SPTBN2: variants seen among roughly 807,000 people sequenced by gnomAD.
SPTBN2 encodes the protein spectrin beta, non-erythrocytic 2, also known as spectrin beta chain, non-erythrocytic 2.
A neutral mutation model predicts 284.2 loss-of-function variants in SPTBN2; 107 were observed. That is an observed-to-expected ratio of 0.38 (90% confidence interval 0.32 to 0.44). The LOEUF (loss-of-function observed/expected upper bound fraction) is 0.44. Among genes scored for constraint, SPTBN2 ranks in the 20% least tolerant of loss-of-function variants. The pLI is 1.00. For missense variants in SPTBN2, 2,569 were observed against 3,287.1 expected, an observed-to-expected ratio of 0.78 and a Z score of 5.34; for synonymous variants, 1,289 against 1,354.8, an observed-to-expected ratio of 0.95 and a Z score of 1.07.
chr11:66,722,640 C>G (rs1369279073), intron 1 of SPTBN2, among the ~76,000 whole-genome samples: 1 of 149,596 alleles, frequency 6.7e-6, no homozygotes, highest in Non-Finnish European at 1.5e-5. Context: ...CACCTGTAAT[C>G]CCAGCACTTT....
At chr11:66,697,130 T>C (rs1349218676) in intron 20 of SPTBN2, among the ~76,000 whole-genome samples, 2 of 152,220 alleles carry the variant, frequency 1.3e-5, no homozygotes, top group African/African-American at 4.8e-5. Flanking sequence ...GAGAGTGCTG[T>C]GTTCTGTGTT....
rs969887639 is a variant in SPTBN2, at chr11:66,690,272, C to T, written c.5577G>A (p.Val1859=). Residue 1859 remains valine (V), a synonymous_variant, in exon 28 of 38, where the codon GTG becomes GTA. Coordinates refer to ENST00000533211, the MANE Select transcript of SPTBN2 (RefSeq NM_006946.4). The part of the protein sequence containing the change: ...IQALSPQVQQ[V]QDDGHRLQKA... ...TCTGGAGCCGGTGGCCGTCGTCCTG[C>T]ACCTGCTGGACCTGCGGAGCCCCGG... is the stretch of plus-strand genomic sequence containing the variant. 5 of 1,609,144 alleles carry T rather than the reference C, an allele frequency of 3.1e-6. No individual in the cohort carries two copies. In the Admixed American group the frequency reaches 8.4e-5, roughly 27 times the overall value.
upstream of SPTBN2, among the ~76,000 whole-genome samples, chr11:66,729,668 G>A (rs1395202242): frequency 6.6e-6 from 1 of 152,124 alleles, no homozygotes; most frequent in Non-Finnish European, 1.5e-5. Flanking sequence ...AAAATGGGTT[G>A]GGAGGAGGGT....
At chr11:66,703,419 A>G (rs1941351838) in intron 15 of SPTBN2, among the ~76,000 whole-genome samples, 1 of 151,912 alleles carries the variant, frequency 6.6e-6, no homozygotes. Flanking sequence ...ATTTGATTAC[A>G]CATTGATCAT....
At chr11:66,697,452 C>T (rs141912460) in intron 20 of SPTBN2, among the ~76,000 whole-genome samples, 2 of 152,226 alleles carry the variant, frequency 1.3e-5, no homozygotes, top group East Asian at 1.9e-4. Flanking sequence ...CAGGACTTCC[C>T]GGGGCTTCTC....
chr11:66,703,972 C>CTTTTTTTTTTTTT (rs11286358), intron 15 of SPTBN2, among the ~76,000 whole-genome samples: 1 of 109,726 alleles, frequency 9.1e-6, no homozygotes, highest in Non-Finnish European at 1.9e-5. Flanking sequence ...TATTTCTTTT[C>CTTTTTTTTTTTTT]TTTTTTTTTT....
intron 26 of SPTBN2, 70 bp downstream of exon 26, chr11:66,692,466 T>A: frequency 6.4e-7 from 1 of 1,566,588 alleles, no homozygotes; most frequent in East Asian, 2.2e-5. Context: ...TGGGACTAGG[T>A]CCTAGTCTCC....
intron 3 of SPTBN2, among the ~76,000 whole-genome samples, chr11:66,719,627 C>T (rs761598667): frequency 6.6e-6 from 1 of 152,196 alleles, no homozygotes; most frequent in South Asian, 2.1e-4. Flanking sequence ...TGGTGACAGT[C>T]CTGGGTGGCA....
Position 66,708,030 on chromosome 11 carries a change from A to C in SPTBN2, c.1350+111T>G, listed in dbSNP as rs968104232. 4 of 1,554,386 alleles carry C rather than the reference A, an allele frequency of 2.6e-6. No homozygotes were observed. The African/African-American group carries it at 5.4e-5, about 21-fold the overall frequency. ...CCCGGACCTCTAGGCCTTTTTACCC[A>C]GGTGACGGATTTTGTGTTTCATTGT... On this transcript the variant is annotated intron_variant, in intron 12 of 37. Transcript: ENST00000533211. The surrounding 1 kb of genome is among the most constrained non-coding windows in gnomAD (Gnocchi z 4.4).
At position 66,687,822 on chromosome 11, in the gene SPTBN2, C is replaced by A; in HGVS notation, c.6501+46G>T. ...ACCCGCACTCACCACCCCCTCTGGA[C>A]CCTTCGCCTCACAGTTATCAACACC... On this transcript the variant is annotated intron_variant, in intron 34 of 37. Coordinates refer to ENST00000533211, the MANE Select transcript of SPTBN2 (RefSeq NM_006946.4). The surrounding 1 kb of genome is among the most constrained non-coding windows in gnomAD (Gnocchi z 5.2). 1 of 1,613,072 alleles carries A rather than the reference C, an allele frequency of 6.2e-7. No individual in the cohort carries two copies. Among genetic ancestry groups the A allele is most frequent in the Non-Finnish European group, 8.5e-7 (1 of 1,179,062 alleles).
At position 66,707,436 on chromosome 11, in the gene SPTBN2, G is replaced by T; in HGVS notation, c.1653+80C>A. On this transcript the variant is annotated intron_variant, in intron 13 of 37. Transcript: ENST00000533211. This position sits in a 1 kb window ranked among gnomAD's most constrained non-coding sequence, Gnocchi z 4.9. ...TTCACACTCCACAGAGATCGGCCGAGCAGACGGGCGGACGCACCCACTGTG... is the reference window on the plus strand; with the variant it reads ...TTCACACTCCACAGAGATCGGCCGATCAGACGGGCGGACGCACCCACTGTG... The T allele has an allele frequency of 6.9e-7, 1 of 1,450,790 alleles. No individual in the cohort carries two copies. The highest frequency in any genetic ancestry group is 9.4e-7 in the Non-Finnish European group (1 of 1,066,588). 89.9% of individuals were successfully genotyped at this position (1,450,790 alleles called of 1,614,324 possible).
At chr11:66,720,566 C>T (rs892169654) in intron 3 of SPTBN2, among the ~76,000 whole-genome samples, 3 of 152,142 alleles carry the variant, frequency 2.0e-5, no homozygotes, top group African/African-American at 7.2e-5. Context: ...CAGAAACCAG[C>T]AGCAGCGGGT....
chr11:66,703,977 T>TTC, intron 15 of SPTBN2, among the ~76,000 whole-genome samples: 1 of 145,046 alleles, frequency 6.9e-6, no homozygotes, highest in African/African-American at 2.5e-5. Context: ...CTTTTCTTTT[T>TTC]TTTTTTTTTT....
chr11:66,701,587 T>C lies in SPTBN2; in HGVS notation c.2813A>G (p.His938Arg). The C allele has an allele frequency of 1.2e-6, 2 of 1,614,096 alleles. No homozygotes were observed. The highest frequency in any genetic ancestry group is 2.7e-5 in the African/African-American group (2 of 75,022). The change falls in exon 16 of 38, where the codon CAC becomes CGC. Residue 938 changes from histidine to arginine, a missense_variant. Physicochemically the swap from His to Arg is conservative, Grantham distance 29. Around this residue, in one of 6 missense-constraint regions of SPTBN2, gnomAD observed 1,012 missense variants for 1,248.9 expected, o/e 0.81. Transcript: ENST00000533211. Reference protein sequence around the residue: ...RIVNTQEQLNHRWQQFRRLAD... With the variant: ...RIVNTQEQLNRRWQQFRRLAD... ...GGTCCTGCCCTCCCAAACCCACCTG[T>C]GGTTGAGCTGCTCCTGGGTGTTGAC... is the stretch of plus-strand genomic sequence containing the variant.
Position 66,682,719 on chromosome 11 carries a change from T to A in SPTBN2, c.*3152A>T, listed in dbSNP as rs1028672471. Among the ~76,000 whole-genome samples, 1 of 152,182 alleles carries A rather than the reference T, an allele frequency of 6.6e-6. No homozygotes were observed. Among genetic ancestry groups the A allele is most frequent in the African/African-American group, 2.4e-5 (1 of 41,460 alleles). Reference sequence around the variant, plus strand: ...GACAGCATGGACCTAAAGTCCACTCTTGTAGGTGATGTTAAGAATGCAAAT... The same window carrying A: ...GACAGCATGGACCTAAAGTCCACTCATGTAGGTGATGTTAAGAATGCAAAT... On this transcript the variant is annotated 3_prime_UTR_variant, in exon 38 of 38. Coordinates refer to ENST00000533211, the MANE Select transcript of SPTBN2 (RefSeq NM_006946.4).
intron 1 of SPTBN2, among the ~76,000 whole-genome samples, chr11:66,740,219 TAGTC>T (rs1942886601): frequency 6.6e-6 from 1 of 152,120 alleles, no homozygotes; most frequent in Non-Finnish European, 1.5e-5. Context: ...AACAGGAAGT[TAGTC>T]AGTATCATAG....
chr11:66,716,881 T>C (rs1034804326), intron 3 of SPTBN2, among the ~76,000 whole-genome samples: 4 of 152,276 alleles, frequency 2.6e-5, no homozygotes, highest in African/African-American at 9.6e-5. Context: ...GCTAAAATTA[T>C]TGCAGCGGCT....
chr11:66,689,147 G>T lies in SPTBN2; in HGVS notation c.5983C>A (p.Arg1995Ser). 1 of 1,609,790 alleles carries T rather than the reference G, an allele frequency of 6.2e-7. No homozygotes were observed. Among genetic ancestry groups the T allele is most frequent in the South Asian group, 1.1e-5 (1 of 90,068 alleles). Reference protein sequence around the residue: ...SEKLSQLQARRQETAEKWQEK... With the variant: ...SEKLSQLQARSQETAEKWQEK... ...TGCCACTTCTCAGCTGTCTCCTGGC[G>T]CCGTGCCTGCAGCTGAGACAGCTTC... Residue 1995 changes from arginine to serine, a missense_variant, in exon 30 of 38, where the codon CGC becomes AGC. Arg to Ser is a moderately radical substitution (Grantham distance 110, BLOSUM62 -1). This residue lies in a region of SPTBN2 where 1,130 missense variants were observed against 1,317.3 expected (regional missense o/e 0.86). Coordinates refer to ENST00000533211, the MANE Select transcript of SPTBN2 (RefSeq NM_006946.4).
Position 66,696,284 on chromosome 11 carries a change from T to C in SPTBN2, c.4271A>G (p.Lys1424Arg). Residue 1424 changes from lysine to arginine, a missense_variant, in exon 21 of 38, where the codon AAG becomes AGG. By Grantham distance (26) the Lys-to-Arg change is conservative. Coordinates refer to ENST00000533211, the MANE Select transcript of SPTBN2 (RefSeq NM_006946.4). ...DLTSVNILLK[K>R]QQMLEWEMAV... ...CAAAGGCCCACAGCACACCTGCTGC[T>C]TCTTGAGCAGGATGTTGACGCTGGT... The C allele has an allele frequency of 6.2e-7, 1 of 1,611,908 alleles. No homozygotes were observed. Among genetic ancestry groups the C allele is most frequent in the Non-Finnish European group, 8.5e-7 (1 of 1,180,006 alleles).
Sources: gnomAD v4.1 joint callset for allele counts (sites outside exome capture counted in the v4.1 genomes callset) on GRCh38, gnomAD v4.1.1 for gene constraint, gnomAD v4.1.1 regional missense constraint, Gnocchi (gnomAD v3.1) non-coding constraint, MANE v1.5 for transcripts, NCBI Gene and HGNC (gene_info 2026-07-23, HGNC 2026-07-21) for gene names.